Variants in SUGCT observed in about 807,000 individuals in gnomAD.
SUGCT encodes the protein succinyl-CoA:glutarate CoA-transferase.
SUGCT carries 41 observed loss-of-function variants against 55.0 expected under a neutral mutation model. The ratio of observed to expected loss-of-function variants is 0.74; its 90% CI spans 0.58 to 0.97. The LOEUF (loss-of-function observed/expected upper bound fraction) is 0.97, where lower values mean the gene tolerates loss of function less well. Ranked by LOEUF, SUGCT falls within the 50% of genes least tolerant of loss-of-function variation. The probability of loss-of-function intolerance (pLI) is 0.00; values close to 1 mark genes in which losing one functional copy is unlikely to be tolerated. For synonymous variants in SUGCT, 187 were observed against 200.4 expected, an observed-to-expected ratio of 0.93 and a Z score of 0.56; for missense variants, 568 against 547.8, an observed-to-expected ratio of 1.04 and a Z score of -0.37.
At chr7:40,774,067 C>A (rs189645153) in intron 13 of SUGCT, among the ~76,000 whole-genome samples, 1 of 152,112 alleles carries the variant, frequency 6.6e-6, no homozygotes, top group Non-Finnish European at 1.5e-5. Context: ...ACAATACTTC[C>A]GAATTCAACC....
At chr7:40,692,213 G>A (rs1784731118) in intron 12 of SUGCT, among the ~76,000 whole-genome samples, 1 of 152,134 alleles carries the variant, frequency 6.6e-6, no homozygotes, top group Non-Finnish European at 1.5e-5. Context: ...TGGTACTTAG[G>A]GGGAATCATG....
chr7:40,916,178 T>C, the SUGCT span, among the ~76,000 whole-genome samples: 1 of 152,152 alleles, frequency 6.6e-6, no homozygotes, highest in Non-Finnish European at 1.5e-5. Flanking sequence ...GGGTGGTTGC[T>C]ATTTGTTTCT....
intron 8 of SUGCT, among the ~76,000 whole-genome samples, chr7:40,291,898 A>C (rs1212886331): frequency 2.6e-5 from 4 of 152,208 alleles, no homozygotes; most frequent in Non-Finnish European, 5.9e-5. Context: ...CTAGAAGCTT[A>C]AAGAGGCAAG....
chr7:40,205,757 G>A lies in SUGCT; in HGVS notation c.484+10697G>A, dbSNP rs183341385. Among the ~76,000 whole-genome samples the A allele has an allele frequency of 8.1e-3, 1,233 of 151,656 alleles. 10 individuals carry two copies. The highest frequency in any genetic ancestry group is 0.015 in the Admixed American group (231 of 15,194). On this transcript the variant is annotated intron_variant, in intron 6 of 13. Coordinates refer to ENST00000335693, the MANE Select transcript of SUGCT (RefSeq NM_001193313.2). ...TCATGACACAGCTTTGTACATAAAT[G>A]TATGTGGTCTACTTCAATTCCCAGA...
At chr7:40,455,604 A>C (rs1284141728) in intron 10 of SUGCT, among the ~76,000 whole-genome samples, 1 of 152,218 alleles carries the variant, frequency 6.6e-6, no homozygotes, top group Admixed American at 6.5e-5. Context: ...GTTTGCAACA[A>C]ATTCTTGTGC....
intron 8 of SUGCT, among the ~76,000 whole-genome samples, chr7:40,290,335 C>T (rs541049248): frequency 4.6e-5 from 7 of 152,150 alleles, no homozygotes; most frequent in African/African-American, 1.4e-4. Flanking sequence ...AGAACAGAGC[C>T]CTCAGAAATA....
At chr7:40,192,598 G>C (rs1411684506) in intron 5 of SUGCT, among the ~76,000 whole-genome samples, 1 of 150,272 alleles carries the variant, frequency 6.7e-6, no homozygotes, top group African/African-American at 2.4e-5. Flanking sequence ...TTAGAATTTT[G>C]CTATATAGCA....
chr7:40,136,982 G>A (rs894235411), intron 1 of SUGCT, among the ~76,000 whole-genome samples: 1 of 151,808 alleles, frequency 6.6e-6, no homozygotes, highest in South Asian at 2.1e-4. Context: ...GTAACAGAGC[G>A]AGACCCTATC....
intron 9 of SUGCT, among the ~76,000 whole-genome samples, chr7:40,400,363 G>T (rs1007335834): frequency 8.5e-5 from 13 of 152,158 alleles, no homozygotes; most frequent in Non-Finnish European, 1.6e-4. Flanking sequence ...TCTGCTTCTG[G>T]TGAGGGAAGC....
chr7:40,424,173 A>G (rs758090748), intron 9 of SUGCT, among the ~76,000 whole-genome samples: 1 of 152,158 alleles, frequency 6.6e-6, no homozygotes, highest in Non-Finnish European at 1.5e-5. Flanking sequence ...AATCATTTAA[A>G]TAAGCACTAT....
chr7:40,412,959 A>C (rs4360193), intron 9 of SUGCT, among the ~76,000 whole-genome samples: 145,703 of 152,218 alleles, frequency 0.96, 70,064 homozygotes, highest in East Asian at 1. Context: ...TATTTATTCC[A>C]TTTTGTAGGG....
the SUGCT span, among the ~76,000 whole-genome samples, chr7:41,031,802 C>T: frequency 4.5e-3 from 689 of 152,278 alleles, 4 homozygotes; most frequent in African/African-American, 0.016. Context: ...TAATGGGCTG[C>T]ATGCCTGGCA....
intron 8 of SUGCT, among the ~76,000 whole-genome samples, chr7:40,280,977 C>T (rs1042080423): frequency 1.3e-5 from 2 of 152,054 alleles, no homozygotes; most frequent in African/African-American, 2.4e-5. Flanking sequence ...TTATGACTTC[C>T]GTGGGCCCTG....
At chr7:40,585,838 C>T (rs1381111072) in intron 12 of SUGCT, among the ~76,000 whole-genome samples, 1 of 152,054 alleles carries the variant, frequency 6.6e-6, no homozygotes, top group African/African-American at 2.4e-5. Flanking sequence ...CACCACCACA[C>T]CTGGCTGATT....
At chr7:41,001,684 G>T in the SUGCT span, among the ~76,000 whole-genome samples, 1 of 152,060 alleles carries the variant, frequency 6.6e-6, no homozygotes, top group Non-Finnish European at 1.5e-5. Flanking sequence ...GAGATCTCTG[G>T]GGTCTTTTTC....
intron 9 of SUGCT, among the ~76,000 whole-genome samples, chr7:40,392,058 A>G (rs553491275): frequency 4.5e-4 from 68 of 152,282 alleles, no homozygotes; most frequent in African/African-American, 1.6e-3. Context: ...ACTGCATGTT[A>G]TCACTCATAG....
At chr7:40,329,772 A>G (rs1796212688) in intron 9 of SUGCT, among the ~76,000 whole-genome samples, 1 of 152,146 alleles carries the variant, frequency 6.6e-6, no homozygotes, top group African/African-American at 2.4e-5. Flanking sequence ...TAACCTGGTA[A>G]TGGGACAGGA....
intron 7 of SUGCT, among the ~76,000 whole-genome samples, chr7:40,242,060 GA>G (rs1230958256): frequency 6.6e-6 from 1 of 152,068 alleles, no homozygotes; most frequent in East Asian, 1.9e-4. Flanking sequence ...GACAAAGAGA[GA>G]ATCTATTTTG....
At chr7:40,175,288 C>T (rs892417545) in intron 1 of SUGCT, among the ~76,000 whole-genome samples, 11 of 151,542 alleles carry the variant, frequency 7.3e-5, no homozygotes, top group Admixed American at 2.0e-4. Context: ...GGTGCAATCT[C>T]GGCTCACTGC....
Sources: allele counts gnomAD v4.1 joint callset (sites outside exome capture counted in the v4.1 genomes callset), GRCh38; gene constraint gnomAD v4.1.1; transcripts MANE v1.5; gene names NCBI Gene and HGNC (gene_info 2026-07-23, HGNC 2026-07-21).